Variants in NREP observed in about 807,000 individuals in gnomAD.
NREP encodes the protein neuronal regeneration related protein, also known as neuronal regeneration-related protein.
Under a neutral mutation model 8.6 loss-of-function variants are expected in NREP, and 5 were observed. The ratio of observed to expected loss-of-function variants is 0.58; its 90% CI spans 0.30 to 1.22. The LOEUF is 1.22. NREP is among the 50% of genes most tolerant of loss of function. The pLI, the probability that NREP is intolerant of heterozygous loss-of-function variation, is 0.07. For missense variants in NREP, 86 were observed against 82.5 expected, an observed-to-expected ratio of 1.04 and a Z score of -0.17; for synonymous variants, 27 against 28.0, an observed-to-expected ratio of 0.96 and a Z score of 0.11.
At chr5:111,962,541 G>A (rs554846055) in intron 2 of NREP, among the ~76,000 whole-genome samples, 1 of 152,150 alleles carries the variant, frequency 6.6e-6, no homozygotes, top group Non-Finnish European at 1.5e-5. Flanking sequence ...AGAAATCCTA[G>A]GCAGACAGGG....
chr5:111,856,867 T>C (rs1753438342), intron 2 of NREP, among the ~76,000 whole-genome samples: 1 of 152,300 alleles, frequency 6.6e-6, no homozygotes, highest in East Asian at 1.9e-4. Context: ...ATTGATTGGT[T>C]GGCGGCTGGT....
chr5:111,881,363 G>A (rs1477520350), intron 2 of NREP, among the ~76,000 whole-genome samples: 1 of 152,190 alleles, frequency 6.6e-6, no homozygotes, highest in Non-Finnish European at 1.5e-5. Context: ...GCTCAAGGAG[G>A]CCTCCCTGCC....
chr5:111,809,870 CGTGT>C (rs3223253), intron 2 of NREP, among the ~76,000 whole-genome samples: 44,940 of 143,994 alleles, frequency 0.31, 7,500 homozygotes, highest in East Asian at 0.56. Flanking sequence ...GGGACTTTGG[CGTGT>C]GTGTGTGTGT....
chr5:111,797,689 G>A lies in NREP; in HGVS notation c.136-62182C>T, dbSNP rs74439364. ...TTTCATCTTCAAATGAAATGAGCCC[G>A]CTAAACAAGATAATTGAAATGAGAG... On this transcript the variant is annotated intron_variant, in intron 2 of 3. Coordinates refer to the NREP transcript ENST00000395634. 5.6e-3 allele frequency among the ~76,000 whole-genome samples: 849 copies of A among 152,218 alleles called. 13 individuals are homozygous for A. Among genetic ancestry groups the A allele is most frequent in the African/African-American group, 0.019 (803 of 41,532 alleles).
At chr5:111,872,229 A>G (rs1431500409) in intron 2 of NREP, among the ~76,000 whole-genome samples, 1 of 152,104 alleles carries the variant, frequency 6.6e-6, no homozygotes, top group Non-Finnish European at 1.5e-5. Context: ...TCAGGTATCC[A>G]GGAAGAGGTA....
intron 2 of NREP, among the ~76,000 whole-genome samples, chr5:111,806,293 C>T (rs1374575062): frequency 6.6e-6 from 1 of 152,082 alleles, no homozygotes; most frequent in East Asian, 1.9e-4. Context: ...CCTCTGATGG[C>T]ACAGGCTTGA....
At chr5:111,824,428 T>C (rs1254426848) in intron 2 of NREP, among the ~76,000 whole-genome samples, 1 of 152,194 alleles carries the variant, frequency 6.6e-6, no homozygotes, top group Non-Finnish European at 1.5e-5. Context: ...AGACCAATAT[T>C]ATCTTTCCCA....
At chr5:111,790,347 C>CTTTTTTTTTTTTTTTTTTTTTTTTT (rs57775701) in intron 2 of NREP, among the ~76,000 whole-genome samples, 1 of 59,594 alleles carries the variant, frequency 1.7e-5, no homozygotes, top group South Asian at 8.0e-4. Flanking sequence ...AAAACCTTAA[C>CTTTTTTTTTTTTTTTTTTTTTTTTT]TTTTTTTTTT....
At chr5:111,797,752 A>T (rs1172066343) in intron 2 of NREP, among the ~76,000 whole-genome samples, 1 of 152,206 alleles carries the variant, frequency 6.6e-6, no homozygotes. Context: ...ATAGCCTTCC[A>T]ACCATTAAGG....
At chr5:111,823,469 T>C (rs1366792330) in intron 2 of NREP, among the ~76,000 whole-genome samples, 1 of 152,198 alleles carries the variant, frequency 6.6e-6, no homozygotes, top group East Asian at 1.9e-4. Flanking sequence ...CTCATATATA[T>C]TTATCTTTAT....
intron 2 of NREP, among the ~76,000 whole-genome samples, chr5:111,964,889 A>T (rs895344627): frequency 2.0e-4 from 27 of 137,474 alleles, no homozygotes; most frequent in East Asian, 6.2e-4. Context: ...AAAAAAAAAA[A>T]AAAAAAGAAA....
At chr5:111,758,817 G>A (rs1017903726), upstream of NREP, among the ~76,000 whole-genome samples, 1 of 152,212 alleles carries the variant, frequency 6.6e-6, no homozygotes, top group African/African-American at 2.4e-5. Context: ...CTAAAAGAAT[G>A]CACTGAGTTC....
chr5:111,917,074 G>A (rs764017996), intron 2 of NREP, among the ~76,000 whole-genome samples: 1 of 152,140 alleles, frequency 6.6e-6, no homozygotes, highest in African/African-American at 2.4e-5. Flanking sequence ...TCGGGGTCTT[G>A]TGTCCCTTTT....
At chr5:111,948,466 T>C (rs1561362767) in intron 2 of NREP, among the ~76,000 whole-genome samples, 1 of 152,118 alleles carries the variant, frequency 6.6e-6, no homozygotes, top group Non-Finnish European at 1.5e-5. Context: ...CAGTATTTGG[T>C]TCTATATCAA....
At chr5:111,922,124 A>C (rs551251638) in intron 2 of NREP, among the ~76,000 whole-genome samples, 1 of 152,298 alleles carries the variant, frequency 6.6e-6, no homozygotes, top group African/African-American at 2.4e-5. Flanking sequence ...TTAATTTTGA[A>C]GGGGTATTTC....
rs1754039185 is a variant in NREP at position 111,880,853 on chromosome 5, G to A, written c.135+94421C>T. ...CCAGGCTCATAGAGGCAGCCAAGAT[G>A]GCTGAATAGGAACAGCTCCGTTCTA... On this transcript the variant is annotated intron_variant, in intron 2 of 3. Coordinates refer to the NREP transcript ENST00000395634. Among the ~76,000 whole-genome samples the A allele has an allele frequency of 2.7e-5, 4 of 150,310 alleles. No homozygotes were observed. The Admixed American group carries it at 2.7e-4, about 10-fold the overall frequency.
upstream of NREP, chr5:111,757,397 AGTGT>A (rs1346591891): frequency 7.2e-6 from 7 of 972,816 alleles, no homozygotes; most frequent in Non-Finnish European, 8.6e-6. Flanking sequence ...TCTCTCCAAG[AGTGT>A]GTGTGTCTCT....
At chr5:111,779,272 G>A (rs982689471) in intron 2 of NREP, among the ~76,000 whole-genome samples, 1 of 152,140 alleles carries the variant, frequency 6.6e-6, no homozygotes, top group Non-Finnish European at 1.5e-5. Flanking sequence ...TAAGGGGTTG[G>A]AAGCAGGAAC....
chr5:111,914,631 C>A (rs1554107048), intron 2 of NREP, among the ~76,000 whole-genome samples: 4 of 152,024 alleles, frequency 2.6e-5, no homozygotes, highest in Admixed American at 2.6e-4. Flanking sequence ...TCGTTGTACT[C>A]TCCTGGCAAA....
Sources: allele counts gnomAD v4.1 joint callset (sites outside exome capture counted in the v4.1 genomes callset), GRCh38; gene constraint gnomAD v4.1.1; transcripts MANE v1.5; gene names NCBI Gene and HGNC (gene_info 2026-07-23, HGNC 2026-07-21).